The following DTYMK variants were observed in gnomAD, a reference collection of about 807,000 sequenced individuals.
The protein encoded by DTYMK is deoxythymidylate kinase.
A neutral mutation model predicts 20.3 loss-of-function variants in DTYMK; 20 were observed. The ratio of observed to expected loss-of-function variants is 0.99; its 90% CI spans 0.69 to 1.43. The LOEUF (loss-of-function observed/expected upper bound fraction) is 1.43. Among genes scored for constraint, DTYMK ranks in the 40% most tolerant of loss-of-function variants. DTYMK has a pLI of 0.00. For synonymous variants in DTYMK, 148 were observed against 124.4 expected (o/e 1.19, Z -1.27); for missense variants, 320 against 291.1 (o/e 1.10, Z -0.72).
In DTYMK at chr2:241,686,794, C is replaced by G. The variant is rs1012373058; in HGVS notation, c.-11G>C. 2 of 1,445,670 alleles carry G rather than the reference C, an allele frequency of 1.4e-6. No individual in the cohort carries two copies. The highest frequency in any genetic ancestry group is 1.8e-6 in the Non-Finnish European group (2 of 1,112,068). The allele number at this position is 1,445,670 out of a possible 1,614,324, so 89.6% of individuals were successfully genotyped here. ...GCGCCGGGCCGCCATGACTGTCCAC[C>G]GCCCGCCGCTGGCGTCTCCACGCAG... On this transcript the variant is annotated 5_prime_UTR_variant, in exon 1 of 5. Transcript: ENST00000305784.
At chr2:241,681,656 C>G (rs1260253842) in intron 2 of DTYMK, among the ~76,000 whole-genome samples, 1 of 152,220 alleles carries the variant, frequency 6.6e-6, no homozygotes, top group Non-Finnish European at 1.5e-5. Flanking sequence ...TGTTTAGATA[C>G]AAAACCAAAG....
At chr2:241,678,415 C>T (rs1327210057) in intron 4 of DTYMK, 37 bp downstream of exon 4, 1 of 1,612,696 alleles carries the variant, frequency 6.2e-7, no homozygotes, top group African/African-American at 1.3e-5. Flanking sequence ...TGAGCCACTT[C>T]TCCACGCTTC....
rs1026157818 is a variant in DTYMK, at chr2:241,678,309, T to C, written c.528+143A>G. The C allele has an allele frequency of 5.1e-6, 6 of 1,182,138 alleles. No individual in the cohort carries two copies. In the Admixed American group the frequency reaches 7.6e-5, roughly 15 times the overall value. 73.2% of individuals were successfully genotyped at this position (1,182,138 alleles called of 1,614,324 possible). A position where few individuals can be genotyped will look rare whatever the true frequency, so the allele number is the denominator to read the frequency against. The stretch of plus-strand genomic sequence containing the variant: ...AGAATTTGCTGGCACCGAGAACCCC[T>C]GAACGACTACTCCCGGGGCTCCACA... On this transcript the variant is annotated intron_variant, in intron 4 of 4. Coordinates refer to ENST00000305784, the MANE Select transcript of DTYMK (RefSeq NM_012145.4).
At chr2:241,678,011 C>T (rs2069155183) in intron 4 of DTYMK, among the ~76,000 whole-genome samples, 1 of 152,184 alleles carries the variant, frequency 6.6e-6, no homozygotes, top group Non-Finnish European at 1.5e-5. Context: ...CGCGATGGCT[C>T]ATGCCTATAA....
At chr2:241,677,973 G>A (rs1242401760) in intron 4 of DTYMK, among the ~76,000 whole-genome samples, 3 of 152,296 alleles carry the variant, frequency 2.0e-5, no homozygotes, top group South Asian at 2.1e-4. Context: ...AAAACTCATC[G>A]GGTTAGAATT....
intron 2 of DTYMK, among the ~76,000 whole-genome samples, chr2:241,683,282 G>T (rs2069308004): frequency 6.6e-6 from 1 of 152,198 alleles, no homozygotes; most frequent in Admixed American, 6.5e-5. Flanking sequence ...TGAGGGTCTG[G>T]AGCAATAGCA....
chr2:241,686,621 G>C lies in DTYMK; in HGVS notation c.130+33C>G, dbSNP rs541885726. ...CCCCTGGGAAGGCAGAGGCACCGAA[G>C]GCCGCGGCGCACCCCCCGCCGCGCG... On this transcript the variant is annotated intron_variant, in intron 1 of 4. Coordinates refer to ENST00000305784, the MANE Select transcript of DTYMK (RefSeq NM_012145.4). The C allele has an allele frequency of 2.1e-5, 31 of 1,474,808 alleles. No homozygotes were observed. The South Asian group carries it at 3.6e-4, about 17-fold the overall frequency. 91.4% of individuals were successfully genotyped at this position (1,474,808 alleles called of 1,614,324 possible).
At chr2:241,684,869 G>A (rs910265179) in intron 2 of DTYMK, 3 of 398,996 alleles carry the variant, frequency 7.5e-6, no homozygotes, top group Non-Finnish European at 1.5e-5. Context: ...TAAATAATGG[G>A]GAAGGGGGGA....
At chr2:241,681,030 T>A (rs752188190) in intron 2 of DTYMK, among the ~76,000 whole-genome samples, 30 of 152,140 alleles carry the variant, frequency 2.0e-4, no homozygotes, top group Non-Finnish European at 3.7e-4. Flanking sequence ...AGCAGGTGAC[T>A]CATCCATGCT....
At chr2:241,676,266 A>C in intron 4 of DTYMK, 29 bp from the exon 5 acceptor site, 1 of 1,594,210 alleles carries the variant, frequency 6.3e-7, no homozygotes, top group South Asian at 1.1e-5. Context: ...CAGGAGAAAA[A>C]GAGGCTCATC....
chr2:241,678,375 A>G, intron 4 of DTYMK, 77 bp downstream of exon 4: 1 of 1,585,106 alleles, frequency 6.3e-7, no homozygotes, highest in Non-Finnish European at 8.6e-7. Context: ...CTTTGCTGAC[A>G]CAACTGTGCC....
intron 2 of DTYMK, chr2:241,682,376 G>A: frequency 2.8e-6 from 1 of 354,914 alleles, no homozygotes; most frequent in Non-Finnish European, 5.6e-6. Flanking sequence ...AAACAGAAAA[G>A]GCAAACCACA....
chr2:241,676,309 C>A, intron 4 of DTYMK, 72 bp from the exon 5 acceptor site: 1 of 1,425,734 alleles, frequency 7.0e-7, no homozygotes, highest in Non-Finnish European at 9.5e-7. Flanking sequence ...GGAGCCCACG[C>A]CTGTAATCCC....
chr2:241,684,784 G>A (rs2069341389), intron 2 of DTYMK: 1 of 455,644 alleles, frequency 2.2e-6, no homozygotes, highest in Non-Finnish European at 4.5e-6. Flanking sequence ...GGTGGTAGGA[G>A]AGTTCATATA....
chr2:241,680,409 G>T (rs539516825), intron 2 of DTYMK, 90 bp from the exon 3 acceptor site: 1 of 1,403,958 alleles, frequency 7.1e-7, no homozygotes, highest in Non-Finnish European at 1.0e-6. Context: ...GTGCGCAGTG[G>T]CTCACCCCTA....
At chr2:241,676,902 G>A (rs150350549) in intron 4 of DTYMK, among the ~76,000 whole-genome samples, 149 of 152,368 alleles carry the variant, frequency 9.8e-4, no homozygotes, top group Non-Finnish European at 1.3e-3. Context: ...AGGAAGTTCC[G>A]CAGCAGAAGC....
Position 241,678,528 on chromosome 2 carries a change from T to C in DTYMK, c.452A>G (p.Tyr151Cys), listed in dbSNP as rs775125343. 23 of 1,614,088 alleles carry C rather than the reference T, an allele frequency of 1.4e-5. No homozygotes were observed. Among genetic ancestry groups the C allele is most frequent in the Non-Finnish European group, 1.8e-5 (21 of 1,180,044 alleles). Reference sequence around the variant, plus strand: ...CCGCTCCTGGAAAGCCCCGTTCTCATAGCGCTCATGGCCAAACGCTCCCCG... The same window carrying C: ...CCGCTCCTGGAAAGCCCCGTTCTCACAGCGCTCATGGCCAAACGCTCCCCG... ...AKRGAFGHER[Y>C]ENGAFQERAL... The change falls in exon 4 of 5, where the codon TAT (tyrosine) becomes TGT (cysteine). Residue 151 changes from tyrosine (Y) to cysteine (C), a missense_variant. By Grantham distance (194) the Tyr-to-Cys change is radical. Coordinates refer to ENST00000305784, the MANE Select transcript of DTYMK (RefSeq NM_012145.4).
intron 2 of DTYMK, chr2:241,684,690 T>C (rs1466725518): frequency 6.5e-6 from 3 of 460,416 alleles, no homozygotes; most frequent in Admixed American, 2.5e-5. Context: ...TATATAAATG[T>C]AAATAAAAAC....
rs145708261 is a variant in DTYMK at position 241,678,500 on chromosome 2, C to G, written c.480G>C (p.Ala160=). 2 of 1,614,196 alleles carry G rather than the reference C, an allele frequency of 1.2e-6. No individual in the cohort carries two copies. The highest frequency in any genetic ancestry group is 1.7e-6 in the Non-Finnish European group (2 of 1,180,046). The change falls in exon 4 of 5, where the codon GCG becomes GCC. Residue 160 remains alanine (A), a synonymous_variant. Transcript: ENST00000305784. ...TCATGAGCTGGTGGAAACACCGGAGCGCCCGCTCCTGGAAAGCCCCGTTCT... is the reference window on the plus strand; with the variant it reads ...TCATGAGCTGGTGGAAACACCGGAGGGCCCGCTCCTGGAAAGCCCCGTTCT... ...RYENGAFQER[A]LRCFHQLMKD...
Sources: allele counts gnomAD v4.1 joint callset (sites outside exome capture counted in the v4.1 genomes callset), GRCh38; gene constraint gnomAD v4.1.1; transcripts MANE v1.5; gene names NCBI Gene and HGNC (gene_info 2026-07-23, HGNC 2026-07-21).